RPS6KA5: variants seen among roughly 807,000 people sequenced by gnomAD.
RPS6KA5 encodes the protein ribosomal protein S6 kinase A5, also known as ribosomal protein S6 kinase alpha-5.
A neutral mutation model predicts 85.5 loss-of-function variants in RPS6KA5; 27 were observed. The observed-to-expected ratio is 0.32, with a 90% CI of 0.23 to 0.44. The LOEUF (loss-of-function observed/expected upper bound fraction) is 0.44, where lower values mean the gene tolerates loss of function less well. Ranked by LOEUF, RPS6KA5 falls within the 20% of genes least tolerant of loss-of-function variation. RPS6KA5 has a pLI of 1.00. For synonymous variants in RPS6KA5, 334 were observed against 348.2 expected (o/e 0.96, Z 0.46); for missense variants, 811 against 980.9 (o/e 0.83, Z 2.31).
At chr14:90,875,723 T>TA (rs1222452117) in intron 14 of RPS6KA5, among the ~76,000 whole-genome samples, 1 of 151,612 alleles carries the variant, frequency 6.6e-6, no homozygotes, top group Admixed American at 6.6e-5. Context: ...TATGCAGCCA[T>TA]AAAAAATGAT....
chr14:90,954,012 C>A (rs1404470474), intron 3 of RPS6KA5, among the ~76,000 whole-genome samples: 4 of 152,166 alleles, frequency 2.6e-5, no homozygotes, highest in South Asian at 4.1e-4. Flanking sequence ...TTTTCTAACA[C>A]CCCCTCCCCT....
chr14:90,919,444 A>G (rs1361725494), intron 7 of RPS6KA5, among the ~76,000 whole-genome samples: 1 of 152,172 alleles, frequency 6.6e-6, no homozygotes, highest in Non-Finnish European at 1.5e-5. Flanking sequence ...TGGAATCTCT[A>G]TTTTTAATTT....
chr14:90,919,810 G>C (rs984188823), intron 7 of RPS6KA5, among the ~76,000 whole-genome samples: 1 of 152,140 alleles, frequency 6.6e-6, no homozygotes, highest in Non-Finnish European at 1.5e-5. Flanking sequence ...CTACATTCAT[G>C]AGTTCAAAAA....
intron 3 of RPS6KA5, among the ~76,000 whole-genome samples, chr14:90,958,397 T>C (rs954861851): frequency 5.3e-5 from 8 of 152,216 alleles, no homozygotes; most frequent in Non-Finnish European, 1.2e-4. Flanking sequence ...CAACGCATTA[T>C]AATCTACAGA....
In RPS6KA5 at chr14:90,855,946, G is replaced by A. The variant is rs781763840; in HGVS notation, c.*16128C>T. The stretch of plus-strand genomic sequence containing the variant: ...GCTGCTCTCAAACTCCTGACCTCAC[G>A]TGATCCACCCGCCTTGGCCTCCCAA... On this transcript the variant is annotated 3_prime_UTR_variant, in exon 17 of 17. Transcript: ENST00000614987. 1 of 152,210 alleles carries A rather than the reference G, an allele frequency of 6.6e-6. No homozygotes were observed. The highest frequency in any genetic ancestry group is 2.4e-5 in the African/African-American group (1 of 41,416). The allele number at this position is 152,210 out of a possible 1,614,324, so 9.4% of individuals were successfully genotyped here.
chr14:91,021,402 A>G (rs577308647), intron 1 of RPS6KA5, among the ~76,000 whole-genome samples: 33 of 152,214 alleles, frequency 2.2e-4, no homozygotes, highest in African/African-American at 1.2e-4. Context: ...GCACTTTGGG[A>G]GGCTGAAGCA....
Position 90,859,205 on chromosome 14 carries a change from A to G in RPS6KA5, c.*12869T>C, listed in dbSNP as rs935834913. ...CAACAAAGTCTAAAACCAACCTTCA[A>G]TAGGATTACAGTGATATGCCTGTAT... On this transcript the variant is annotated 3_prime_UTR_variant, in exon 17 of 17. Coordinates refer to ENST00000614987, the MANE Select transcript of RPS6KA5 (RefSeq NM_004755.4). 4 of 152,226 alleles carry G rather than the reference A, an allele frequency of 2.6e-5. No homozygotes were observed. The highest frequency in any genetic ancestry group is 9.6e-5 in the African/African-American group (4 of 41,472). 9.4% of individuals were successfully genotyped at this position (152,226 alleles called of 1,614,324 possible). A position where few individuals can be genotyped will look rare whatever the true frequency, so the allele number is the denominator to read the frequency against.
In RPS6KA5 at chr14:90,852,548, C is replaced by T. The variant is rs2032054637; in HGVS notation, c.*19526G>A. 1 of 152,084 alleles carries T rather than the reference C, an allele frequency of 6.6e-6. No homozygotes were observed. Among genetic ancestry groups the T allele is most frequent in the African/African-American group, 2.4e-5 (1 of 41,402 alleles). The allele number at this position is 152,084 out of a possible 1,614,324, so 9.4% of individuals were successfully genotyped here. ...AAAAGTGCAAAGGTTAAGGGAAAAA[C>T]AGCATCTGATATGTGCACCCTATTG... On this transcript the variant is annotated 3_prime_UTR_variant, in exon 17 of 17. Coordinates refer to ENST00000614987, the MANE Select transcript of RPS6KA5 (RefSeq NM_004755.4).
intron 1 of RPS6KA5, among the ~76,000 whole-genome samples, chr14:91,023,788 TAA>T (rs1163511488): frequency 6.6e-6 from 1 of 152,002 alleles, no homozygotes; most frequent in African/African-American, 2.4e-5. Flanking sequence ...TCTTTTTGCC[TAA>T]AGCCCTGAGG....
At chr14:90,879,175 G>C (rs763901921) in intron 14 of RPS6KA5, among the ~76,000 whole-genome samples, 1 of 152,260 alleles carries the variant, frequency 6.6e-6, no homozygotes, top group Non-Finnish European at 1.5e-5. Context: ...GATTCACCAA[G>C]TCAGGTAGGC....
chr14:91,051,923 C>T lies in RPS6KA5; in HGVS notation c.103+8409G>A, dbSNP rs188905589. On this transcript the variant is annotated intron_variant, in intron 1 of 16. Coordinates refer to ENST00000614987, the MANE Select transcript of RPS6KA5 (RefSeq NM_004755.4). Reference sequence around the variant, plus strand: ...CTCAGTGGTAGAAGACTAAAGCCTTCCCCCTAGGATCGGGAAAAGACAAGG... The same window carrying T: ...CTCAGTGGTAGAAGACTAAAGCCTTTCCCCTAGGATCGGGAAAAGACAAGG... Among the ~76,000 whole-genome samples the T allele has an allele frequency of 8.7e-4, 133 of 152,196 alleles. 1 individual carries two copies. Among genetic ancestry groups the T allele is most frequent in the Middle Eastern group, 3.4e-3 (1 of 294 alleles).
chr14:90,862,027 T>A lies in RPS6KA5; in HGVS notation c.*10047A>T, dbSNP rs563311944. On this transcript the variant is annotated 3_prime_UTR_variant, in exon 17 of 17. Transcript: ENST00000614987. ...GTAATCTTTAAGGTACTAAATGAAT[T>A]TCTAAAAATTACTAACGAACTAACA... 2 of 152,224 alleles carry A rather than the reference T, an allele frequency of 1.3e-5. No homozygotes were observed. The highest frequency in any genetic ancestry group is 4.8e-5 in the African/African-American group (2 of 41,536). The allele number at this position is 152,224 out of a possible 1,614,324, so 9.4% of individuals were successfully genotyped here.
intron 13 of RPS6KA5, chr14:90,894,110 T>A: frequency 2.0e-6 from 2 of 1,012,610 alleles, no homozygotes; most frequent in Non-Finnish European, 2.4e-6. Flanking sequence ...TTTTCTGCTA[T>A]AAAAATTTCC....
At chr14:90,881,720 C>T (rs1368572462) in intron 14 of RPS6KA5, among the ~76,000 whole-genome samples, 1 of 152,042 alleles carries the variant, frequency 6.6e-6, no homozygotes, top group East Asian at 1.9e-4. Flanking sequence ...AGGCTGGTCT[C>T]GAACTTCTGA....
intron 2 of RPS6KA5, among the ~76,000 whole-genome samples, chr14:90,985,709 T>C (rs2040029970): frequency 6.6e-6 from 1 of 152,222 alleles, no homozygotes; most frequent in South Asian, 2.1e-4. Flanking sequence ...CTTAGTCTTA[T>C]ACTCCCCTTT....
chr14:91,030,388 C>T (rs1401553836), intron 1 of RPS6KA5, among the ~76,000 whole-genome samples: 3 of 151,902 alleles, frequency 2.0e-5, no homozygotes, highest in Non-Finnish European at 4.4e-5. Flanking sequence ...GGCTAATGTT[C>T]CCCAAGAAGT....
Position 90,857,942 on chromosome 14 carries a change from C to G in RPS6KA5, c.*14132G>C, listed in dbSNP as rs2032365070. 1 of 152,078 alleles carries G rather than the reference C, an allele frequency of 6.6e-6. No individual in the cohort carries two copies. Among genetic ancestry groups the G allele is most frequent in the African/African-American group, 2.4e-5 (1 of 41,404 alleles). The allele number at this position is 152,078 out of a possible 1,614,324, so 9.4% of individuals were successfully genotyped here. A position where few individuals can be genotyped will look rare whatever the true frequency, so the allele number is the denominator to read the frequency against. On this transcript the variant is annotated 3_prime_UTR_variant, in exon 17 of 17. Transcript: ENST00000614987. ...ATGGACAAAGGAACAAATGAATAAA[C>G]CGGGTGCCTTCACATATGACCATGT... is the stretch of plus-strand genomic sequence containing the variant.
intron 3 of RPS6KA5, among the ~76,000 whole-genome samples, chr14:90,963,384 G>T (rs2038905198): frequency 6.6e-6 from 1 of 152,100 alleles, no homozygotes; most frequent in Non-Finnish European, 1.5e-5. Context: ...AAGTTACTAT[G>T]TTTCCCTTTA....
chr14:91,029,457 T>A (rs2042102038), intron 1 of RPS6KA5, among the ~76,000 whole-genome samples: 1 of 152,192 alleles, frequency 6.6e-6, no homozygotes, highest in African/African-American at 2.4e-5. Flanking sequence ...TACTTTAAAA[T>A]TTTCATTCTA....
Sources: allele counts gnomAD v4.1 joint callset (sites outside exome capture counted in the v4.1 genomes callset), GRCh38; gene constraint gnomAD v4.1.1; transcripts MANE v1.5; gene names NCBI Gene and HGNC (gene_info 2026-07-23, HGNC 2026-07-21).